FRRS1L: variants seen among roughly 807,000 people sequenced by gnomAD.
FRRS1L encodes ferric chelate reductase 1 like, also known as DOMON domain-containing protein FRRS1L.
Under a neutral mutation model 28.6 loss-of-function variants are expected in FRRS1L, and 22 were observed. That is an observed-to-expected ratio of 0.77 (90% CI 0.55 to 1.10). FRRS1L has a LOEUF of 1.10. Ranked by LOEUF, FRRS1L falls within the 50% of genes least tolerant of loss-of-function variation. The pLI, the probability that FRRS1L is intolerant of heterozygous loss-of-function variation, is 0.00. For missense variants in FRRS1L, 380 were observed against 386.9 expected (o/e 0.98, Z 0.15); for synonymous variants, 158 against 151.4 (o/e 1.04, Z -0.32).
chr9:109,140,716 CT>C (rs937009880), intron 4 of FRRS1L: 291 of 144,304 alleles, frequency 2.0e-3, no homozygotes, highest in Middle Eastern at 3.6e-3. Flanking sequence ...CTTTCTTCTT[CT>C]TTTTTTTTTT....
At chr9:109,138,751 A>G (rs1336032856) in intron 4 of FRRS1L, 2 of 152,312 alleles carry the variant, frequency 1.3e-5, no homozygotes, top group African/African-American at 4.8e-5. Flanking sequence ...ACCTCAGCTC[A>G]CTGGTCACCT....
chr9:109,134,089 A>G lies in FRRS1L; in HGVS notation c.*3366T>C, dbSNP rs1286851214. The G allele has an allele frequency of 6.6e-6, 1 of 152,216 alleles. No individual in the cohort carries two copies. Among genetic ancestry groups the G allele is most frequent in the African/African-American group, 2.4e-5 (1 of 41,458 alleles). The allele number at this position is 152,216 out of a possible 1,614,324, so 9.4% of individuals were successfully genotyped here. ...TCAGTGTTTGCTAACATAATTATTT[A>G]TGGTTTGAGCATAGGAGGAAGAATA... On this transcript the variant is annotated 3_prime_UTR_variant, in exon 5 of 5. Transcript: ENST00000561981.
intron 3 of FRRS1L, among the ~76,000 whole-genome samples, chr9:109,144,864 T>C (rs940843355): frequency 7.2e-5 from 11 of 151,998 alleles, no homozygotes; most frequent in African/African-American, 2.2e-4. Context: ...TTTGTATTTT[T>C]AGTAGAGACG....
chr9:109,149,512 C>A, intron 2 of FRRS1L, 124 bp downstream of exon 2: 3 of 639,964 alleles, frequency 4.7e-6, no homozygotes, highest in South Asian at 4.2e-5. Context: ...AACTTCATAA[C>A]CCTGCTGAGG....
chr9:109,141,540 C>A lies in FRRS1L; in HGVS notation c.512G>T (p.Arg171Leu), dbSNP rs534260927. The A allele has an allele frequency of 1.9e-6, 3 of 1,613,826 alleles. No homozygotes were observed. The highest frequency in any genetic ancestry group is 1.7e-6 in the Non-Finnish European group (2 of 1,179,834). Residue 171 changes from arginine to leucine, a missense_variant, in exon 4 of 5, where the codon CGC (arginine) becomes CTC (leucine). Physicochemically the swap from Arg to Leu is moderately radical, Grantham distance 102 (BLOSUM62 -2). Transcript: ENST00000561981. ...ACVHDDNGRV[R>L]IQHFYNVGQW... ...GCCTACATTATAGAAGTGCTGTATG[C>A]GGACCCTGCCATTGTCATCATGGAC...
intron 1 of FRRS1L, among the ~76,000 whole-genome samples, chr9:109,164,976 C>T (rs11787924): frequency 0.2 from 30,335 of 152,128 alleles, 3,289 homozygotes; most frequent in Middle Eastern, 0.24. Context: ...ATACAATGAA[C>T]ATATCATTCT....
At position 109,166,895 on chromosome 9, in the gene FRRS1L, C is replaced by A; in HGVS notation, c.238+6G>T. The A allele has an allele frequency of 7.5e-7, 1 of 1,326,034 alleles. No individual in the cohort carries two copies. The highest frequency in any genetic ancestry group is 2.0e-5 in the South Asian group (1 of 50,494). The allele number at this position is 1,326,034 out of a possible 1,614,324, so 82.1% of individuals were successfully genotyped here. A position where few individuals can be genotyped will look rare whatever the true frequency, so the allele number is the denominator to read the frequency against. On this transcript the variant is annotated splice_donor_region_variant and intron_variant, in intron 1 of 4. Coordinates refer to ENST00000561981, the MANE Select transcript of FRRS1L (RefSeq NM_014334.4). ...CCCGCAACCCCTCGCCCTCCCGCAG[C>A]CTCACCCTCCTCCGACAGGTAGCGC...
chr9:109,163,021 A>G (rs968569222), intron 1 of FRRS1L, among the ~76,000 whole-genome samples: 1 of 152,174 alleles, frequency 6.6e-6, no homozygotes, highest in Non-Finnish European at 1.5e-5. Flanking sequence ...AACATCATCC[A>G]TGTAGCTGGC....
intron 3 of FRRS1L, among the ~76,000 whole-genome samples, chr9:109,144,736 T>A (rs566948036): frequency 2.0e-5 from 3 of 151,864 alleles, no homozygotes; most frequent in African/African-American, 7.2e-5. Flanking sequence ...CAGGCTGGAG[T>A]ACAATGGCAC....
Position 109,136,907 on chromosome 9 carries a change from CT to C in FRRS1L, c.*547del, listed in dbSNP as rs1212834330. ...TTGGCTGTGTAAATATCCAAAAGCACTTCTGCTTTACGGAAATTTGAAATTT... is the reference window on the plus strand; with the variant it reads ...TTGGCTGTGTAAATATCCAAAAGCACTCTGCTTTACGGAAATTTGAAATTT... On this transcript the variant is annotated 3_prime_UTR_variant, in exon 5 of 5. Transcript: ENST00000561981. The C allele has an allele frequency of 7.9e-5, 12 of 152,194 alleles. No individual in the cohort carries two copies. The highest frequency in any genetic ancestry group is 7.2e-4 in the Admixed American group (11 of 15,280). 9.4% of individuals were successfully genotyped at this position (152,194 alleles called of 1,614,324 possible). A position where few individuals can be genotyped will look rare whatever the true frequency, so the allele number is the denominator to read the frequency against.
chr9:109,151,343 G>C (rs983291794), intron 1 of FRRS1L: 1 of 152,978 alleles, frequency 6.5e-6, no homozygotes, highest in Non-Finnish European at 1.5e-5. Flanking sequence ...GTGAGTGGCA[G>C]GCAAGCAAGC....
chr9:109,150,185 T>C (rs1831315165), intron 1 of FRRS1L: 1 of 152,646 alleles, frequency 6.6e-6, no homozygotes, highest in Admixed American at 6.5e-5. Context: ...AACCTGTAGG[T>C]AACATTTTCT....
intron 1 of FRRS1L, among the ~76,000 whole-genome samples, chr9:109,157,487 A>C (rs1041909000): frequency 5.3e-5 from 8 of 152,184 alleles, no homozygotes; most frequent in Non-Finnish European, 1.2e-4. Context: ...CCTGGACTCA[A>C]GCCATCCTCC....
At chr9:109,164,812 A>G (rs1831526626) in intron 1 of FRRS1L, among the ~76,000 whole-genome samples, 1 of 152,210 alleles carries the variant, frequency 6.6e-6, no homozygotes, top group African/African-American at 2.4e-5. Flanking sequence ...GGATCGGTAC[A>G]AAGCCCTGCT....
At chr9:109,143,620 T>C (rs1489418028) in intron 3 of FRRS1L, among the ~76,000 whole-genome samples, 1 of 150,458 alleles carries the variant, frequency 6.6e-6, no homozygotes, top group Non-Finnish European at 1.5e-5. Flanking sequence ...GTTCAAGCAA[T>C]TCTCCTGCCT....
chr9:109,147,326 A>C, intron 2 of FRRS1L, 137 bp from the exon 3 acceptor site: 1 of 708,640 alleles, frequency 1.4e-6, no homozygotes, highest in Admixed American at 2.5e-5. Context: ...AATCTTAAAA[A>C]CACAGTTTCA....
At chr9:109,143,800 C>A (rs111911685) in intron 3 of FRRS1L, among the ~76,000 whole-genome samples, 3,974 of 152,100 alleles carry the variant, frequency 0.026, 186 homozygotes, top group African/African-American at 0.092. Context: ...TGAGCCACTG[C>A]GCCCGGCTAA....
intron 1 of FRRS1L, among the ~76,000 whole-genome samples, chr9:109,161,041 C>T (rs1329219691): frequency 4.6e-5 from 7 of 151,964 alleles, no homozygotes; most frequent in Non-Finnish European, 7.4e-5. Flanking sequence ...TCTGCCGCCT[C>T]GGCTTCCCAA....
intron 4 of FRRS1L, chr9:109,141,060 C>G (rs1462861014): frequency 8.6e-6 from 4 of 466,088 alleles, no homozygotes; most frequent in Non-Finnish European, 1.6e-5. Flanking sequence ...GCCCTACATA[C>G]AGCAGATACA....
Sources: gnomAD v4.1 joint callset for allele counts (sites outside exome capture counted in the v4.1 genomes callset) on GRCh38, gnomAD v4.1.1 for gene constraint, MANE v1.5 for transcripts, NCBI Gene and HGNC (gene_info 2026-07-23, HGNC 2026-07-21) for gene names.